SLC30A4: variants seen among roughly 807,000 people sequenced by gnomAD.
SLC30A4 encodes probable proton-coupled zinc antiporter SLC30A4.
SLC30A4 carries 20 observed loss-of-function variants against 41.7 expected under a neutral mutation model. That is an observed-to-expected ratio of 0.48 (90% CI 0.34 to 0.70). The LOEUF is 0.70. Ranked by LOEUF, SLC30A4 falls within the 30% of genes least tolerant of loss-of-function variation. The pLI is 0.01. For missense variants in SLC30A4, 441 were observed against 529.3 expected (o/e 0.83, Z 1.64); for synonymous variants, 181 against 195.9 (o/e 0.92, Z 0.64).
At position 45,522,062 on chromosome 15, in the gene SLC30A4, C is replaced by T. The variant is rs375980795; in HGVS notation, c.293G>A (p.Cys98Tyr). Reference protein sequence around the residue: ...LSLKVDSCDNCSKQREILKQR... With the variant: ...LSLKVDSCDNYSKQREILKQR... ...CTTCAGTATCTCTCTCTGTTTGCTG[C>T]AGTTGTCACAGGAGTCCACCTTCAA... Residue 98 changes from cysteine to tyrosine, a missense_variant, in exon 2 of 8, where the codon TGC becomes TAC. Transcript: ENST00000261867. 134 of 1,614,090 alleles carry T rather than the reference C, an allele frequency of 8.3e-5. No individual in the cohort carries two copies. Among genetic ancestry groups the T allele is most frequent in the Non-Finnish European group, 1.1e-4 (131 of 1,180,044 alleles).
At chr15:45,497,561 T>G (rs77207912) in intron 3 of SLC30A4, among the ~76,000 whole-genome samples, 2,089 of 152,170 alleles carry the variant, frequency 0.014, 19 homozygotes, top group Non-Finnish European at 0.02. Flanking sequence ...TAATAAAAAC[T>G]AAAATACACC....
In SLC30A4 at chr15:45,482,500, C is replaced by T. The variant is rs1287107499; in HGVS notation, c.*2663G>A. The T allele has an allele frequency of 2.0e-5, 3 of 151,554 alleles. No individual in the cohort carries two copies. The highest frequency in any genetic ancestry group is 4.4e-5 in the Non-Finnish European group (3 of 67,926). The allele number at this position is 151,554 out of a possible 1,614,324, so 9.4% of individuals were successfully genotyped here. A position where few individuals can be genotyped will look rare whatever the true frequency, so the allele number is the denominator to read the frequency against. ...ACATTTTTTAAGGAACAGGTCGATA[C>T]AAAAGCGAGATATGCCTTTATAAGA... On this transcript the variant is annotated 3_prime_UTR_variant, in exon 8 of 8. Transcript: ENST00000261867.
intron 3 of SLC30A4, among the ~76,000 whole-genome samples, chr15:45,503,475 G>A (rs1054089212): frequency 3.9e-5 from 6 of 152,008 alleles, no homozygotes; most frequent in African/African-American, 1.2e-4. Context: ...AATTAGCTGG[G>A]CATGGTGGTG....
At chr15:45,515,392 C>T (rs1297473397) in intron 2 of SLC30A4, among the ~76,000 whole-genome samples, 1 of 152,050 alleles carries the variant, frequency 6.6e-6, no homozygotes. Context: ...TGGTGGCTCA[C>T]ACCTGTAATC....
Position 45,515,610 on chromosome 15 carries a change from G to A in SLC30A4, c.392-4326C>T, listed in dbSNP as rs559726649. 2.0e-5 allele frequency among the ~76,000 whole-genome samples: 3 copies of A among 152,000 alleles called. No individual in the cohort carries two copies. The East Asian group carries it at 5.8e-4, about 29-fold the overall frequency. ...GGAGCTTGCAGTGAGCCGAGATGGCGCCACTGCACTCCAGCCTGGGCGACA... is the reference window on the plus strand; with the variant it reads ...GGAGCTTGCAGTGAGCCGAGATGGCACCACTGCACTCCAGCCTGGGCGACA... On this transcript the variant is annotated intron_variant, in intron 2 of 7. Transcript: ENST00000261867.
At chr15:45,512,310 C>T (rs1236364694) in intron 2 of SLC30A4, 10 of 152,154 alleles carry the variant, frequency 6.6e-5, no homozygotes, top group Non-Finnish European at 4.4e-5. Context: ...ATTTCTGATT[C>T]GGTAGGTCTG....
At chr15:45,505,203 C>T (rs1892126260) in intron 3 of SLC30A4, among the ~76,000 whole-genome samples, 2 of 138,226 alleles carry the variant, frequency 1.4e-5, no homozygotes, top group South Asian at 2.2e-4. Context: ...TGCACTCCAG[C>T]GTGGGCAACA....
chr15:45,490,323 A>C (rs1450506093), intron 4 of SLC30A4, among the ~76,000 whole-genome samples: 1 of 152,150 alleles, frequency 6.6e-6, no homozygotes, highest in Non-Finnish European at 1.5e-5. Context: ...TCTAGAGCGC[A>C]AGTGATCTTC....
In SLC30A4 at chr15:45,486,651, G is replaced by C. The variant is rs556721694; in HGVS notation, c.1095C>G (p.Leu365=). ...YSVEDLNIWS[L]TSGKSTAIVH... is the part of the protein sequence containing the mutation. ...CTATGGCAGTAGATTTTCCTGAAGT[G>C]AGAGACCAGATATTTAAATCTTCGA... The change falls in exon 7 of 8, where the codon CTC becomes CTG. Residue 365 remains leucine, a synonymous_variant. Coordinates refer to ENST00000261867, the MANE Select transcript of SLC30A4 (RefSeq NM_013309.6). The C allele has an allele frequency of 3.7e-6, 6 of 1,605,498 alleles. No individual in the cohort carries two copies. Among genetic ancestry groups the C allele is most frequent in the Non-Finnish European group, 1.7e-6 (2 of 1,176,796 alleles).
chr15:45,497,215 A>T (rs1028849548), intron 3 of SLC30A4: 3 of 152,020 alleles, frequency 2.0e-5, no homozygotes, highest in Non-Finnish European at 4.4e-5. Flanking sequence ...TTACAGGCAC[A>T]TGTCACCATG....
At chr15:45,503,579 G>A (rs1892087045) in intron 3 of SLC30A4, among the ~76,000 whole-genome samples, 1 of 151,614 alleles carries the variant, frequency 6.6e-6, no homozygotes, top group Non-Finnish European at 1.5e-5. Flanking sequence ...TCGAGCCACT[G>A]CACTCCAGCC....
intron 3 of SLC30A4, among the ~76,000 whole-genome samples, chr15:45,509,247 TC>T (rs376354748): frequency 1.3e-5 from 2 of 151,168 alleles, no homozygotes; most frequent in Admixed American, 1.3e-4. Context: ...AGGAACACAT[TC>T]TTTTTTTTTT....
intron 3 of SLC30A4, among the ~76,000 whole-genome samples, chr15:45,500,658 A>G (rs1006106144): frequency 1.6e-5 from 2 of 126,808 alleles, no homozygotes; most frequent in Non-Finnish European, 3.3e-5. Flanking sequence ...CTATCTATCT[A>G]TCTATATGTT....
At chr15:45,494,108 T>C (rs758816439) in intron 3 of SLC30A4, among the ~76,000 whole-genome samples, 1 of 152,192 alleles carries the variant, frequency 6.6e-6, no homozygotes, top group Non-Finnish European at 1.5e-5. Flanking sequence ...TTACATGTCA[T>C]ATTTACTGTA....
rs1891599079 is a variant in SLC30A4 at position 45,481,246 on chromosome 15, A to G, written c.*3917T>C. 1.3e-5 allele frequency: 2 copies of G among 152,158 alleles called. No homozygotes were observed. Among genetic ancestry groups the G allele is most frequent in the African/African-American group, 4.8e-5 (2 of 41,466 alleles). 9.4% of individuals were successfully genotyped at this position (152,158 alleles called of 1,614,324 possible). ...CAAAAAAACACTGATGGGAACTCTA[A>G]GTTGTAAAAATCTGCACTCACATTA... On this transcript the variant is annotated 3_prime_UTR_variant, in exon 8 of 8. Coordinates refer to ENST00000261867, the MANE Select transcript of SLC30A4 (RefSeq NM_013309.6).
chr15:45,490,763 G>A lies in SLC30A4; in HGVS notation c.657C>T (p.Leu219=), dbSNP rs1891795761. Residue 219 remains leucine (L), a synonymous_variant, in exon 4 of 8, where the codon CTC becomes CTT. Coordinates refer to ENST00000261867, the MANE Select transcript of SLC30A4 (RefSeq NM_013309.6). ...MNYEINGDIM[L]ITAAVGVAVN... is the part of the protein sequence containing the mutation. ...CTGCAACTCCAACAGCTGCGGTGAT[G>A]AGCATTATATCTCCATTTATTTCAT... 1 of 1,607,698 alleles carries A rather than the reference G, an allele frequency of 6.2e-7. No individual in the cohort carries two copies. The highest frequency in any genetic ancestry group is 8.5e-7 in the Non-Finnish European group (1 of 1,177,084).
chr15:45,493,045 G>A (rs1220296126), intron 3 of SLC30A4, among the ~76,000 whole-genome samples: 1 of 152,216 alleles, frequency 6.6e-6, no homozygotes, highest in Non-Finnish European at 1.5e-5. Context: ...ACCAAGGCGG[G>A]CGGATCACCT....
chr15:45,484,130 G>T lies in SLC30A4; in HGVS notation c.*1033C>A, dbSNP rs1395324931. 6.6e-6 allele frequency: 1 copy of T among 152,602 alleles called. No homozygotes were observed. The highest frequency in any genetic ancestry group is 6.6e-5 in the Admixed American group (1 of 15,266). The allele number at this position is 152,602 out of a possible 1,614,324, so 9.5% of individuals were successfully genotyped here. On this transcript the variant is annotated 3_prime_UTR_variant, in exon 8 of 8. Transcript: ENST00000261867. Reference sequence around the variant, plus strand: ...CTGGATTAATGTTGTTGAACTATATGTGAAAGGTGGGAATTATAAACTGAA... The same window carrying T: ...CTGGATTAATGTTGTTGAACTATATTTGAAAGGTGGGAATTATAAACTGAA...
At chr15:45,514,510 ATTTTTTTTT>A (rs751585996) in intron 2 of SLC30A4, among the ~76,000 whole-genome samples, 1 of 125,022 alleles carries the variant, frequency 8.0e-6, no homozygotes, top group African/African-American at 3.2e-5. Flanking sequence ...TGATATTCCA[ATTTTTTTTT>A]TTTTTTTTTT....
Sources: gnomAD v4.1 joint callset for allele counts (sites outside exome capture counted in the v4.1 genomes callset) on GRCh38, gnomAD v4.1.1 for gene constraint, MANE v1.5 for transcripts, NCBI Gene and HGNC (gene_info 2026-07-23, HGNC 2026-07-21) for gene names.